Variants in LINGO2 observed in about 807,000 individuals in gnomAD.
LINGO2 encodes leucine-rich repeat and immunoglobulin-like domain-containing nogo receptor-interacting protein 2.
A neutral mutation model predicts 30.6 loss-of-function variants in LINGO2; 14 were observed. That is an observed-to-expected ratio of 0.46 (90% confidence interval 0.30 to 0.72). The LOEUF is 0.72. Ranked by LOEUF, LINGO2 falls within the 30% of genes least tolerant of loss-of-function variation. The pLI is 0.07. For synonymous variants in LINGO2, 317 were observed against 288.5 expected (o/e 1.10, Z -1.00); for missense variants, 729 against 751.7 (o/e 0.97, Z 0.35).
chr9:28,636,617 T>C (rs941058243), intron 1 of LINGO2, among the ~76,000 whole-genome samples: 1 of 152,222 alleles, frequency 6.6e-6, no homozygotes, highest in Non-Finnish European at 1.5e-5. Flanking sequence ...GCTGCATAAA[T>C]GTCTTCTTTT....
chr9:28,975,921 A>G, the LINGO2 span, among the ~76,000 whole-genome samples: 1 of 152,200 alleles, frequency 6.6e-6, no homozygotes, highest in Non-Finnish European at 1.5e-5. Flanking sequence ...AGTAACTGTA[A>G]GTCTTCAGCA....
At chr9:28,169,266 T>A (rs1828516085) in intron 4 of LINGO2, among the ~76,000 whole-genome samples, 2 of 152,230 alleles carry the variant, frequency 1.3e-5, no homozygotes, top group Non-Finnish European at 2.9e-5. Context: ...ATTATTCATA[T>A]ACTGACTTTG....
intron 4 of LINGO2, among the ~76,000 whole-genome samples, chr9:28,165,501 C>T (rs1377279884): frequency 6.6e-6 from 1 of 152,150 alleles, no homozygotes; most frequent in Non-Finnish European, 1.5e-5. Flanking sequence ...AAAAAATTGT[C>T]CTCGTGGATT....
intron 1 of LINGO2, among the ~76,000 whole-genome samples, chr9:28,649,048 T>A (rs951896080): frequency 1.7e-4 from 26 of 152,110 alleles, no homozygotes; most frequent in Non-Finnish European, 8.8e-5. Context: ...TGTGTCCTAT[T>A]TCAACAGCAC....
the LINGO2 span, among the ~76,000 whole-genome samples, chr9:28,918,675 C>T: frequency 2.6e-5 from 4 of 152,302 alleles, no homozygotes; most frequent in East Asian, 7.7e-4. Flanking sequence ...TGTCAATACA[C>T]TTGAAAACAT....
At chr9:28,484,393 TC>T (rs1321771981) in intron 1 of LINGO2, among the ~76,000 whole-genome samples, 2 of 152,034 alleles carry the variant, frequency 1.3e-5, no homozygotes, top group Admixed American at 1.3e-4. Flanking sequence ...AGTTTTGCCC[TC>T]TAGAACTATA....
chr9:29,013,428 GC>G, the LINGO2 span, among the ~76,000 whole-genome samples: 122 of 150,218 alleles, frequency 8.1e-4, no homozygotes, highest in Admixed American at 1.5e-3. Flanking sequence ...CTCTTTAGTT[GC>G]TATAGCTATA....
At chr9:29,136,875 T>C in the LINGO2 span, among the ~76,000 whole-genome samples, 2 of 152,210 alleles carry the variant, frequency 1.3e-5, no homozygotes, top group African/African-American at 4.8e-5. Context: ...TCAAATGTAC[T>C]GTACTGCATG....
chr9:28,673,194 A>G (rs1260898880), upstream of LINGO2, among the ~76,000 whole-genome samples: 1 of 152,126 alleles, frequency 6.6e-6, no homozygotes, highest in Non-Finnish European at 1.5e-5. Context: ...AAAGAAATCA[A>G]AGCTGTAATT....
chr9:28,607,789 T>C (rs1166750574), intron 1 of LINGO2, among the ~76,000 whole-genome samples: 1 of 151,964 alleles, frequency 6.6e-6, no homozygotes, highest in Non-Finnish European at 1.5e-5. Flanking sequence ...GCAATCACTA[T>C]GGGTGGGTAG....
intron 5 of LINGO2, among the ~76,000 whole-genome samples, chr9:27,978,055 G>A (rs183003356): frequency 3.3e-4 from 50 of 152,058 alleles, no homozygotes; most frequent in African/African-American, 1.2e-3. Flanking sequence ...TCACTGGAAA[G>A]GACATCCAAT....
chr9:28,730,395 C>G, the LINGO2 span, among the ~76,000 whole-genome samples: 5 of 152,074 alleles, frequency 3.3e-5, no homozygotes, highest in African/African-American at 1.2e-4. Context: ...GGCTTAACAT[C>G]AAAAGGATGA....
intron 4 of LINGO2, among the ~76,000 whole-genome samples, chr9:28,208,037 G>A (rs1460783882): frequency 1.3e-5 from 2 of 152,114 alleles, no homozygotes; most frequent in East Asian, 3.9e-4. Flanking sequence ...CCATCTTAGA[G>A]TATAGCTGCT....
At chr9:28,231,007 A>G (rs1821335692) in intron 4 of LINGO2, among the ~76,000 whole-genome samples, 1 of 151,952 alleles carries the variant, frequency 6.6e-6, no homozygotes, top group South Asian at 2.1e-4. Flanking sequence ...TATGACCACT[A>G]TTTATTCAGC....
At chr9:28,132,521 C>T (rs968258697) in intron 4 of LINGO2, among the ~76,000 whole-genome samples, 1 of 152,124 alleles carries the variant, frequency 6.6e-6, no homozygotes, top group Non-Finnish European at 1.5e-5. Context: ...AGTTAGATAG[C>T]TTTTAGCTCC....
chr9:28,163,214 G>A (rs1175950110), intron 4 of LINGO2, among the ~76,000 whole-genome samples: 1 of 152,054 alleles, frequency 6.6e-6, no homozygotes. Context: ...TCCAGAAAAA[G>A]GGGTTAGTTA....
At chr9:27,939,611 GA>G in the LINGO2 span, 1 of 152,320 alleles carries the variant, frequency 6.6e-6, no homozygotes, top group Non-Finnish European at 1.5e-5. Context: ...AGAAACTCTG[GA>G]TGCCACAGTA....
chr9:28,404,324 G>C (rs886890041), intron 2 of LINGO2, among the ~76,000 whole-genome samples: 1 of 149,856 alleles, frequency 6.7e-6, no homozygotes, highest in African/African-American at 2.5e-5. Flanking sequence ...TTCTCCAAAT[G>C]ATTCGTGGTA....
chr9:29,150,703 G>C, the LINGO2 span, among the ~76,000 whole-genome samples: 2 of 152,134 alleles, frequency 1.3e-5, no homozygotes, highest in Non-Finnish European at 2.9e-5. Context: ...TGAATCAACA[G>C]TCAATTTTTT....
Sources: allele counts gnomAD v4.1 joint callset (sites outside exome capture counted in the v4.1 genomes callset), GRCh38; gene constraint gnomAD v4.1.1; transcripts MANE v1.5; gene names NCBI Gene and HGNC (gene_info 2026-07-23, HGNC 2026-07-21).